PCDH11X: variants seen among roughly 807,000 people sequenced by gnomAD.
PCDH11X encodes the protein protocadherin 11 X-linked, also known as protocadherin-11 X-linked.
PCDH11X carries 18 observed loss-of-function variants against 53.3 expected under a neutral mutation model. That is an observed-to-expected ratio of 0.34 (90% CI 0.23 to 0.50). The LOEUF (loss-of-function observed/expected upper bound fraction) is 0.50, where lower values mean the gene tolerates loss of function less well. Among genes scored for constraint, PCDH11X ranks in the 20% least tolerant of loss-of-function variants. The pLI is 0.98. For missense variants in PCDH11X, 570 were observed against 1,032.4 expected (o/e 0.55, Z 6.14); for synonymous variants, 279 against 393.3 (o/e 0.71, Z 3.44).
chrX:92,011,586 T>G (rs1294455), intron 6 of PCDH11X, among the ~76,000 whole-genome samples: 32,364 of 110,575 alleles, frequency 0.29, 3,727 homozygotes, highest in Middle Eastern at 0.43. Flanking sequence ...ACAAGAAGTA[T>G]AGAAAAGAAT....
At chrX:92,442,794 C>A (rs1271334394) in intron 9 of PCDH11X, among the ~76,000 whole-genome samples, 2 of 110,682 alleles carry the variant, frequency 1.8e-5, no homozygotes, top group African/African-American at 3.3e-5. Context: ...ACATAACACA[C>A]TTCCTTTATC....
chrX:91,901,840 A>C (rs960570486), intron 6 of PCDH11X, among the ~76,000 whole-genome samples: 14 of 111,955 alleles, frequency 1.3e-4, no homozygotes, highest in Admixed American at 5.7e-4. Context: ...ATGAAAATAA[A>C]TACCTAAAAT....
At chrX:92,285,431 T>G (rs2068346885) in intron 8 of PCDH11X, among the ~76,000 whole-genome samples, 1 of 108,935 alleles carries the variant, frequency 9.2e-6, no homozygotes, top group South Asian at 4.1e-4. Context: ...TCTTGTAGTT[T>G]TAGTAGAGAT....
At chrX:92,292,700 A>G (rs939727983) in intron 8 of PCDH11X, among the ~76,000 whole-genome samples, 10 of 112,040 alleles carry the variant, frequency 8.9e-5, no homozygotes, top group Non-Finnish European at 1.7e-4. Context: ...GCCAGCACAT[A>G]CACAGAATCG....
intron 4 of PCDH11X, among the ~76,000 whole-genome samples, chrX:91,818,208 T>G (rs1430209294): frequency 3.6e-5 from 4 of 110,717 alleles, no homozygotes; most frequent in Non-Finnish European, 7.5e-5. Context: ...AACCAAAAAG[T>G]CTCCCAAGTA....
intron 1 of PCDH11X, among the ~76,000 whole-genome samples, chrX:91,785,194 T>C (rs1215705860): frequency 3.8e-5 from 4 of 104,611 alleles, no homozygotes; most frequent in Non-Finnish European, 7.8e-5. Context: ...AAATTCTTTC[T>C]TATTTTTATT....
intron 6 of PCDH11X, among the ~76,000 whole-genome samples, chrX:92,035,417 T>G (rs1300239498): frequency 9.1e-6 from 1 of 110,012 alleles, no homozygotes; most frequent in Non-Finnish European, 1.9e-5. Context: ...TTTTTGCTAT[T>G]ATCTGGTAAA....
At chrX:92,563,047 GTTTTTTTTTTTTTTT>G (rs61411325) in intron 10 of PCDH11X, among the ~76,000 whole-genome samples, 4 of 43,859 alleles carry the variant, frequency 9.1e-5, no homozygotes, top group Non-Finnish European at 1.1e-4. Flanking sequence ...CCTTGGTACC[GTTTTTTTTTTTTTTT>G]TTTTTTTTTT....
intron 6 of PCDH11X, among the ~76,000 whole-genome samples, chrX:91,945,048 C>CATATATATGTATATAT (rs2061556175): frequency 3.2e-5 from 2 of 63,242 alleles, no homozygotes; most frequent in Non-Finnish European, 6.2e-5. Context: ...ACATCATATA[C>CATATATATGTATATAT]ATATATATAT....
At chrX:92,268,191 T>C (rs937354097) in intron 8 of PCDH11X, among the ~76,000 whole-genome samples, 1 of 112,449 alleles carries the variant, frequency 8.9e-6, no homozygotes, top group African/African-American at 3.2e-5. Context: ...ACTATTATGA[T>C]CTAGCAAATG....
intron 6 of PCDH11X, among the ~76,000 whole-genome samples, chrX:91,897,819 G>A (rs1940804992): frequency 9.0e-6 from 1 of 111,444 alleles, no homozygotes; most frequent in Non-Finnish European, 1.9e-5. Context: ...AAATGCCTCT[G>A]CTACATTAAG....
chrX:92,320,313 A>G (rs1292940753), intron 8 of PCDH11X, among the ~76,000 whole-genome samples: 1 of 111,222 alleles, frequency 9.0e-6, no homozygotes, highest in Non-Finnish European at 1.9e-5. Flanking sequence ...TGAAATGTGT[A>G]TTACCTGTCT....
At chrX:91,782,177 C>G (rs896717836) in intron 1 of PCDH11X, among the ~76,000 whole-genome samples, 150 of 112,316 alleles carry the variant, frequency 1.3e-3, no homozygotes, top group Admixed American at 9.9e-3. Flanking sequence ...GGCTCGCAGC[C>G]CCCCCCTTCC....
chrX:92,488,313 G>C (rs962225411), intron 10 of PCDH11X, among the ~76,000 whole-genome samples: 7 of 111,105 alleles, frequency 6.3e-5, no homozygotes, highest in African/African-American at 2.3e-4. Context: ...TAGAATGTAA[G>C]CTCTATGATG....
At chrX:91,997,205 CT>C (rs1029049404) in intron 6 of PCDH11X, among the ~76,000 whole-genome samples, 33 of 108,945 alleles carry the variant, frequency 3.0e-4, no homozygotes, top group Non-Finnish European at 5.2e-4. Context: ...ATTTGGATGT[CT>C]TTTTTTTTCT....
intron 5 of PCDH11X, among the ~76,000 whole-genome samples, chrX:91,843,743 T>C (rs1156585916): frequency 9.0e-6 from 1 of 111,139 alleles, no homozygotes; most frequent in Non-Finnish European, 1.9e-5. Context: ...AGTAGATTTT[T>C]ACCAAGCACT....
At chrX:92,406,928 T>C (rs1162667958) in intron 9 of PCDH11X, among the ~76,000 whole-genome samples, 1 of 54,433 alleles carries the variant, frequency 1.8e-5, no homozygotes, top group Non-Finnish European at 3.2e-5. Flanking sequence ...TTCCATCTCA[T>C]AAAAAAAAAA....
intron 6 of PCDH11X, among the ~76,000 whole-genome samples, chrX:91,955,820 A>C (rs1158546479): frequency 9.0e-6 from 1 of 111,072 alleles, no homozygotes; most frequent in Non-Finnish European, 1.9e-5. Flanking sequence ...ATCTTTGTTA[A>C]TTTTCTGTCT....
intron 6 of PCDH11X, among the ~76,000 whole-genome samples, chrX:91,931,273 A>G (rs1430967663): frequency 9.1e-6 from 1 of 110,376 alleles, no homozygotes; most frequent in Non-Finnish European, 1.9e-5. Context: ...CTTTTATATA[A>G]TAAGGGGCAG....
Sources: gnomAD v4.1 joint callset for allele counts (sites outside exome capture counted in the v4.1 genomes callset) on GRCh38, gnomAD v4.1.1 for gene constraint, MANE v1.5 for transcripts, NCBI Gene and HGNC (gene_info 2026-07-23, HGNC 2026-07-21) for gene names.